PTPRD: variants seen among roughly 807,000 people sequenced by gnomAD.
PTPRD encodes receptor-type tyrosine-protein phosphatase delta.
PTPRD carries 34 observed loss-of-function variants against 214.5 expected under a neutral mutation model. The ratio of observed to expected loss-of-function variants is 0.16; its 90% CI spans 0.12 to 0.21. PTPRD has a LOEUF of 0.21. PTPRD is among the 10% of genes least tolerant of loss of function. The pLI is 1.00. For synonymous variants in PTPRD, 1,128 were observed against 845.7 expected (o/e 1.33, Z -5.79); for missense variants, 2,545 against 2,398.7 (o/e 1.06, Z -1.27).
chr9:8,808,462 C>CTTTTTTTTTTTT (rs34627797), intron 11 of PTPRD, among the ~76,000 whole-genome samples: 12 of 98,810 alleles, frequency 1.2e-4, no homozygotes, highest in African/African-American at 2.8e-4. Flanking sequence ...AGCCCCCCAC[C>CTTTTTTTTTTTT]TTTTTTTTTT....
chr9:8,897,353 T>A (rs2098627943), intron 11 of PTPRD, among the ~76,000 whole-genome samples: 2 of 151,978 alleles, frequency 1.3e-5, no homozygotes, highest in South Asian at 2.1e-4. Flanking sequence ...AAGGTATGGA[T>A]TGAGCTGGGC....
At chr9:8,737,136 A>C (rs2090642542) in intron 11 of PTPRD, among the ~76,000 whole-genome samples, 1 of 152,220 alleles carries the variant, frequency 6.6e-6, no homozygotes, top group African/African-American at 2.4e-5. Flanking sequence ...GCTGAAGTGC[A>C]TAAGAAGACC....
chr9:8,813,990 AATCAGGTGTATTTATT>A (rs2096869893), intron 11 of PTPRD, among the ~76,000 whole-genome samples: 2 of 152,240 alleles, frequency 1.3e-5, no homozygotes, highest in African/African-American at 4.8e-5. Flanking sequence ...ACTGAAGTGT[AATCAGGTGTATTTATT>A]TTTCTCCCCT....
Position 9,655,860 on chromosome 9 carries a change from C to A in PTPRD, c.-287+78673G>T, listed in dbSNP as rs1360095439. 2.6e-5 allele frequency among the ~76,000 whole-genome samples: 4 copies of A among 151,866 alleles called. No individual in the cohort carries two copies. The South Asian group carries it at 8.3e-4, about 32-fold the overall frequency. On this transcript the variant is annotated intron_variant, in intron 7 of 45. Coordinates refer to ENST00000381196, the MANE Select transcript of PTPRD (RefSeq NM_002839.4). ...GGGCGTGGTGGGAGGTGCCTGTAAT[C>A]CGAGATACTCAGGAGACTGAGGTAG...
intron 7 of PTPRD, among the ~76,000 whole-genome samples, chr9:9,732,330 C>A (rs2098211883): frequency 6.6e-6 from 1 of 152,012 alleles, no homozygotes; most frequent in South Asian, 2.1e-4. Flanking sequence ...TTTTCCCACA[C>A]TGGTCACATT....
At chr9:9,893,424 A>G (rs2074023615) in intron 5 of PTPRD, among the ~76,000 whole-genome samples, 1 of 152,220 alleles carries the variant, frequency 6.6e-6, no homozygotes, top group African/African-American at 2.4e-5. Context: ...AAATAATGAG[A>G]TGGAGGAACA....
At chr9:8,606,853 G>A (rs1048684750) in intron 14 of PTPRD, among the ~76,000 whole-genome samples, 1 of 152,284 alleles carries the variant, frequency 6.6e-6, no homozygotes, top group Admixed American at 6.5e-5. Flanking sequence ...AATTATAAAT[G>A]AATCCAGGAT....
At chr9:9,972,825 C>T (rs149394972) in intron 4 of PTPRD, among the ~76,000 whole-genome samples, 102 of 152,252 alleles carry the variant, frequency 6.7e-4, no homozygotes, top group African/African-American at 2.3e-3. Context: ...ACTACTAACT[C>T]TGAGCCTCTG....
At chr9:8,384,118 C>T (rs981126885) in intron 37 of PTPRD, among the ~76,000 whole-genome samples, 1 of 152,150 alleles carries the variant, frequency 6.6e-6, no homozygotes, top group East Asian at 1.9e-4. Context: ...CTCGGAGATG[C>T]CAATTCTGCA....
chr9:10,088,600 A>G (rs566751296), intron 3 of PTPRD, among the ~76,000 whole-genome samples: 13 of 151,874 alleles, frequency 8.6e-5, no homozygotes, highest in African/African-American at 3.1e-4. Flanking sequence ...AAGGAACTGG[A>G]GTTTTACTGA....
chr9:8,415,104 T>C (rs2093834901), intron 35 of PTPRD, among the ~76,000 whole-genome samples: 1 of 152,136 alleles, frequency 6.6e-6, no homozygotes. Context: ...CTAACACTAT[T>C]GATGCAGCAA....
At position 8,478,759 on chromosome 9, in the gene PTPRD, T is replaced by C. The variant is rs898809057; in HGVS notation, c.3413+5360A>G. On this transcript the variant is annotated intron_variant, in intron 30 of 45. Transcript: ENST00000381196. ...ATTTAGCCTTTCTGTGAGGGAACTC[T>C]CCTGATGTGGCACACAAAAAATACA... 4.7e-4 allele frequency among the ~76,000 whole-genome samples: 72 copies of C among 152,184 alleles called. 1 individual carries two copies. The highest frequency in any genetic ancestry group is 1.2e-4 in the Non-Finnish European group (8 of 68,032).
chr9:9,640,082 T>C (rs866319480), intron 7 of PTPRD, among the ~76,000 whole-genome samples: 2 of 152,172 alleles, frequency 1.3e-5, no homozygotes, highest in Non-Finnish European at 2.9e-5. Flanking sequence ...TAGAGACCCA[T>C]ACCGAAACTT....
At chr9:10,507,253 C>T (rs995228715) in intron 2 of PTPRD, among the ~76,000 whole-genome samples, 7 of 151,914 alleles carry the variant, frequency 4.6e-5, no homozygotes, top group Non-Finnish European at 7.4e-5. Context: ...ATGTGAAGGA[C>T]CTCTTCAATG....
chr9:10,304,715 C>T (rs1412156948), intron 3 of PTPRD, among the ~76,000 whole-genome samples: 1 of 152,026 alleles, frequency 6.6e-6, no homozygotes, highest in Admixed American at 6.6e-5. Context: ...TGTGAAAAAC[C>T]TCTTCAAGGA....
intron 14 of PTPRD, among the ~76,000 whole-genome samples, chr9:8,550,786 A>C (rs1174529170): frequency 6.6e-6 from 1 of 152,238 alleles, no homozygotes; most frequent in Non-Finnish European, 1.5e-5. Flanking sequence ...AGAACTCCTG[A>C]CAAGAACACC....
At chr9:8,447,957 T>G (rs921121532) in intron 34 of PTPRD, among the ~76,000 whole-genome samples, 1 of 152,200 alleles carries the variant, frequency 6.6e-6, no homozygotes, top group African/African-American at 2.4e-5. Context: ...AGATCATTTC[T>G]TCAGCTTTTG....
intron 11 of PTPRD, among the ~76,000 whole-genome samples, chr9:8,976,260 C>A (rs1392017496): frequency 1.3e-5 from 2 of 151,982 alleles, no homozygotes; most frequent in African/African-American, 2.4e-5. Flanking sequence ...GAATCTTTCT[C>A]TGGTAATTAG....
At chr9:9,155,519 G>A (rs2099880450) in intron 10 of PTPRD, among the ~76,000 whole-genome samples, 1 of 152,138 alleles carries the variant, frequency 6.6e-6, no homozygotes, top group South Asian at 2.1e-4. Context: ...ATGTGCCTGA[G>A]AAATCAACCT....
Sources: gnomAD v4.1 joint callset for allele counts (sites outside exome capture counted in the v4.1 genomes callset) on GRCh38, gnomAD v4.1.1 for gene constraint, MANE v1.5 for transcripts, NCBI Gene and HGNC (gene_info 2026-07-23, HGNC 2026-07-21) for gene names.